TDRD3: variants seen among roughly 807,000 people sequenced by gnomAD.
The protein encoded by TDRD3 is tudor domain-containing protein 3.
In TDRD3, 45 loss-of-function variants were observed where a neutral mutation model predicts 86.7. The ratio of observed to expected loss-of-function variants is 0.52; its 90% CI spans 0.41 to 0.67. TDRD3 has a LOEUF of 0.67. TDRD3 is among the 30% of genes least tolerant of loss of function. The pLI is 0.00. For missense variants in TDRD3, 814 were observed against 889.0 expected, an observed-to-expected ratio of 0.92 and a Z score of 1.07; for synonymous variants, 298 against 301.7, an observed-to-expected ratio of 0.99 and a Z score of 0.13.
chr13:60,448,879 T>C (rs1012420722), intron 3 of TDRD3, among the ~76,000 whole-genome samples: 3 of 152,182 alleles, frequency 2.0e-5, no homozygotes, highest in African/African-American at 7.2e-5. Context: ...TACAGATTAG[T>C]TTCAAAATAC....
intron 3 of TDRD3, among the ~76,000 whole-genome samples, chr13:60,452,121 A>G (rs1211786290): frequency 6.6e-6 from 1 of 152,188 alleles, no homozygotes; most frequent in Non-Finnish European, 1.5e-5. Context: ...AGAAATGTAC[A>G]TAAAAAGTTT....
chr13:60,442,850 C>A (rs9538702), intron 2 of TDRD3, among the ~76,000 whole-genome samples: 69,816 of 151,608 alleles, frequency 0.46, 16,464 homozygotes, highest in South Asian at 0.55. Context: ...CTTTAATTAC[C>A]GTTGGGATGG....
chr13:60,428,807 G>A (rs1954878307), intron 1 of TDRD3, among the ~76,000 whole-genome samples: 1 of 152,126 alleles, frequency 6.6e-6, no homozygotes, highest in African/African-American at 2.4e-5. Flanking sequence ...GAAAACTCAA[G>A]GAAAGGACCA....
upstream of TDRD3, among the ~76,000 whole-genome samples, chr13:60,396,265 T>C (rs1015586707): frequency 2.6e-5 from 4 of 152,224 alleles, no homozygotes; most frequent in African/African-American, 9.6e-5. Context: ...AGAAGCCTTT[T>C]TCCCCGCAAT....
intron 12 of TDRD3, among the ~76,000 whole-genome samples, chr13:60,555,816 T>C (rs1958168569): frequency 6.6e-6 from 1 of 151,718 alleles, no homozygotes. Context: ...AGAAGTATTT[T>C]ACATAGGGTA....
At chr13:60,487,167 T>C (rs1956458390) in intron 7 of TDRD3, among the ~76,000 whole-genome samples, 1 of 152,196 alleles carries the variant, frequency 6.6e-6, no homozygotes, top group Non-Finnish European at 1.5e-5. Flanking sequence ...ATTTATACCA[T>C]ATAAGGAATT....
At chr13:60,397,441 G>T in intron 1 of TDRD3, 36 bp downstream of exon 1, 2 of 1,475,460 alleles carry the variant, frequency 1.4e-6, no homozygotes, top group Non-Finnish European at 1.8e-6. Flanking sequence ...CGGGCCGCGG[G>T]TGCGGGCCGG....
chr13:60,526,212 AAT>A (rs1483672480), intron 10 of TDRD3, among the ~76,000 whole-genome samples: 1 of 152,150 alleles, frequency 6.6e-6, no homozygotes, highest in Admixed American at 6.5e-5. Context: ...TTACTCCCCA[AAT>A]ATTTATTCAA....
chr13:60,491,317 A>G (rs1438273538), intron 7 of TDRD3, among the ~76,000 whole-genome samples: 1 of 152,178 alleles, frequency 6.6e-6, no homozygotes, highest in Non-Finnish European at 1.5e-5. Context: ...AATAGACAGT[A>G]AGACTGAAGA....
At chr13:60,507,187 A>G (rs1314518621) in intron 8 of TDRD3, among the ~76,000 whole-genome samples, 3 of 152,228 alleles carry the variant, frequency 2.0e-5, no homozygotes, top group Admixed American at 2.0e-4. Flanking sequence ...AGGAGCACCC[A>G]GATTCATAAA....
intron 1 of TDRD3, among the ~76,000 whole-genome samples, chr13:60,437,998 C>T (rs1227155898): frequency 1.3e-5 from 2 of 152,062 alleles, no homozygotes; most frequent in African/African-American, 4.8e-5. Flanking sequence ...CTTTGAGCTC[C>T]TATAACATTT....
intron 8 of TDRD3, among the ~76,000 whole-genome samples, chr13:60,507,604 A>T (rs776997319): frequency 1.3e-5 from 2 of 152,236 alleles, no homozygotes; most frequent in Non-Finnish European, 2.9e-5. Flanking sequence ...TAAATAAAAA[A>T]ATTAAGGCAA....
At chr13:60,543,351 T>A (rs1164477972) in intron 12 of TDRD3, among the ~76,000 whole-genome samples, 3 of 152,144 alleles carry the variant, frequency 2.0e-5, no homozygotes, top group Non-Finnish European at 4.4e-5. Context: ...TTAAACAAAT[T>A]TGGAAAAATC....
At chr13:60,452,863 A>G (rs1418642776) in intron 3 of TDRD3, among the ~76,000 whole-genome samples, 1 of 149,396 alleles carries the variant, frequency 6.7e-6, no homozygotes, top group African/African-American at 2.5e-5. Flanking sequence ...TATTACTGTT[A>G]TCAGTTCTTA....
At chr13:60,533,174 C>T (rs1010463604) in intron 11 of TDRD3, among the ~76,000 whole-genome samples, 1 of 152,144 alleles carries the variant, frequency 6.6e-6, no homozygotes, top group Non-Finnish European at 1.5e-5. Context: ...TCTAAACTTG[C>T]TAACATTCAG....
rs182289869 is a variant in TDRD3 at position 60,544,887 on chromosome 13, G to T, written c.2118+9654G>T. On this transcript the variant is annotated intron_variant, in intron 12 of 13. Transcript: ENST00000377881. ...TCTCTTTTAAATCTTGATAGTATCA[G>T]AATTTTAAGTTAGTATATGAACTGG... Among the ~76,000 whole-genome samples, 9 of 152,236 alleles carry T rather than the reference G, an allele frequency of 5.9e-5. No individual in the cohort carries two copies. The East Asian group carries it at 1.7e-3, about 29-fold the overall frequency.
chr13:60,494,401 A>G (rs367823414), intron 7 of TDRD3, 34 bp from the exon 8 acceptor site: 20 of 1,589,096 alleles, frequency 1.3e-5, no homozygotes, highest in African/African-American at 4.0e-5. Flanking sequence ...AATGCTGTCT[A>G]CATACCTCTC....
intron 10 of TDRD3, among the ~76,000 whole-genome samples, chr13:60,517,952 C>G (rs967303976): frequency 4.6e-5 from 7 of 152,154 alleles, no homozygotes; most frequent in African/African-American, 1.4e-4. Flanking sequence ...AAAACCAGAA[C>G]CTGCAGCTAA....
intron 10 of TDRD3, among the ~76,000 whole-genome samples, chr13:60,511,106 T>C (rs1957049971): frequency 6.6e-6 from 1 of 152,104 alleles, no homozygotes; most frequent in Admixed American, 6.6e-5. Flanking sequence ...CTCTTCTTTC[T>C]CCCCATATTA....
Sources: gnomAD v4.1 joint callset for allele counts (sites outside exome capture counted in the v4.1 genomes callset) on GRCh38, gnomAD v4.1.1 for gene constraint, MANE v1.5 for transcripts, NCBI Gene and HGNC (gene_info 2026-07-23, HGNC 2026-07-21) for gene names.